Variants in CCDC91 observed in about 807,000 individuals in gnomAD.
CCDC91 encodes the protein coiled-coil domain containing 91.
CCDC91 carries 48 observed loss-of-function variants against 63.2 expected under a neutral mutation model. The observed-to-expected ratio is 0.76, with a 90% CI of 0.60 to 0.97. The LOEUF (loss-of-function observed/expected upper bound fraction) is 0.97. Ranked by LOEUF, CCDC91 falls within the 50% of genes least tolerant of loss-of-function variation. The probability of loss-of-function intolerance (pLI) is 0.00; values close to 1 mark genes in which losing one functional copy is unlikely to be tolerated. For missense variants in CCDC91, 500 were observed against 494.6 expected, an observed-to-expected ratio of 1.01 and a Z score of -0.10; for synonymous variants, 167 against 165.8, an observed-to-expected ratio of 1.01 and a Z score of -0.06.
intron 11 of CCDC91, among the ~76,000 whole-genome samples, chr12:28,463,951 A>G (rs1347470588): frequency 6.6e-6 from 1 of 152,152 alleles, no homozygotes; most frequent in Non-Finnish European, 1.5e-5. Flanking sequence ...TATATTGCTG[A>G]CAGAGACACT....
intron 1 of CCDC91, among the ~76,000 whole-genome samples, chr12:28,203,890 A>C (rs1467802883): frequency 1.3e-5 from 2 of 152,166 alleles, no homozygotes; most frequent in Non-Finnish European, 2.9e-5. Context: ...ATTATACTGA[A>C]TATTATTAAA....
chr12:28,517,948 G>T (rs1420863160), intron 12 of CCDC91, among the ~76,000 whole-genome samples: 7 of 151,944 alleles, frequency 4.6e-5, no homozygotes, highest in Non-Finnish European at 1.0e-4. Context: ...GATTCAGATT[G>T]CTGTGAATGC....
intron 1 of CCDC91, among the ~76,000 whole-genome samples, chr12:28,240,675 T>C (rs1372426640): frequency 6.6e-6 from 1 of 152,080 alleles, no homozygotes; most frequent in Non-Finnish European, 1.5e-5. Context: ...CTTTGAAATC[T>C]CTCCAACTTG....
intron 1 of CCDC91, among the ~76,000 whole-genome samples, chr12:28,224,117 CA>C (rs1401634721): frequency 6.6e-6 from 1 of 152,048 alleles, no homozygotes; most frequent in African/African-American, 2.4e-5. Flanking sequence ...CAAAGAAGTA[CA>C]TTTTTTTTCC....
intron 3 of CCDC91, among the ~76,000 whole-genome samples, chr12:28,270,077 A>C (rs901447234): frequency 2.0e-5 from 3 of 152,036 alleles, no homozygotes; most frequent in African/African-American, 7.2e-5. Flanking sequence ...TTCATTAATA[A>C]TGAAAATTTC....
intron 12 of CCDC91, among the ~76,000 whole-genome samples, chr12:28,529,502 G>C (rs1319245179): frequency 6.6e-6 from 1 of 152,124 alleles, no homozygotes; most frequent in African/African-American, 2.4e-5. Context: ...TTACATTGAG[G>C]CATTAGGAGC....
At chr12:28,328,306 A>AT (rs1941200258) in intron 6 of CCDC91, among the ~76,000 whole-genome samples, 1 of 151,814 alleles carries the variant, frequency 6.6e-6, no homozygotes. Context: ...TTTGCAACTC[A>AT]TTTTTCTGCA....
At chr12:28,351,676 CTTTT>C (rs539085210) in intron 6 of CCDC91, among the ~76,000 whole-genome samples, 5 of 145,646 alleles carry the variant, frequency 3.4e-5, no homozygotes, top group African/African-American at 1.3e-4. Flanking sequence ...GTCATTCCTC[CTTTT>C]TTTTTTTTTC....
chr12:28,483,631 A>G (rs1264033573), intron 11 of CCDC91, among the ~76,000 whole-genome samples: 5 of 152,118 alleles, frequency 3.3e-5, no homozygotes, highest in Non-Finnish European at 5.9e-5. Flanking sequence ...CACTCAGACC[A>G]CACTTGATTA....
chr12:28,316,989 G>A (rs1052225934), intron 6 of CCDC91, among the ~76,000 whole-genome samples: 4 of 151,890 alleles, frequency 2.6e-5, no homozygotes, highest in Non-Finnish European at 2.9e-5. Context: ...ACCTGAAATT[G>A]TGTAGACCTC....
intron 8 of CCDC91, among the ~76,000 whole-genome samples, chr12:28,418,293 G>T (rs1947800777): frequency 6.6e-6 from 1 of 152,190 alleles, no homozygotes; most frequent in South Asian, 2.1e-4. Context: ...AACGTAATTT[G>T]TAGTAGAAAC....
At chr12:28,510,628 A>G (rs1939272507) in intron 12 of CCDC91, among the ~76,000 whole-genome samples, 3 of 151,910 alleles carry the variant, frequency 2.0e-5, no homozygotes, top group African/African-American at 7.2e-5. Flanking sequence ...ACCCTTACAG[A>G]CACGCCCAGA....
chr12:28,452,548 C>T lies in CCDC91; in HGVS notation c.995C>T (p.Ala332Val), dbSNP rs544457452. Residue 332 changes from alanine to valine, a missense_variant, in exon 11 of 13, where the codon GCG becomes GTG. Transcript: ENST00000536442. ...VEEERKNLEK[A>V]HAEERELWKT... ...GAAGAAAGAAAAAATTTAGAAAAAG[C>T]GCATGCTGAAGAAAGGGAATTATGG... 33 of 1,586,694 alleles carry T rather than the reference C, an allele frequency of 2.1e-5. No homozygotes were observed. The highest frequency in any genetic ancestry group is 3.6e-5 in the Admixed American group (2 of 56,318).
chr12:28,248,047 C>T (rs12320545), intron 1 of CCDC91, among the ~76,000 whole-genome samples: 107,014 of 151,978 alleles, frequency 0.7, 38,053 homozygotes, highest in East Asian at 0.95. Flanking sequence ...GGACCCAGAC[C>T]GGTTCGTGTC....
intron 6 of CCDC91, among the ~76,000 whole-genome samples, chr12:28,310,357 TA>T (rs1939193409): frequency 6.6e-6 from 1 of 152,068 alleles, no homozygotes; most frequent in Non-Finnish European, 1.5e-5. Context: ...ATGACCAATA[TA>T]AATGCTATCT....
At chr12:28,201,157 T>C (rs34949363) in intron 1 of CCDC91, among the ~76,000 whole-genome samples, 1 of 144,040 alleles carries the variant, frequency 6.9e-6, no homozygotes, top group Admixed American at 6.8e-5. Flanking sequence ...CCGGACGAGG[T>C]GGCTGCTGGG....
intron 12 of CCDC91, among the ~76,000 whole-genome samples, chr12:28,501,773 A>G (rs1592866954): frequency 6.6e-6 from 1 of 151,926 alleles, no homozygotes; most frequent in African/African-American, 2.4e-5. Flanking sequence ...ATAGTTTCAG[A>G]AGGAATGGTA....
At chr12:28,366,984 TC>T (rs1944316876) in intron 7 of CCDC91, among the ~76,000 whole-genome samples, 1 of 152,074 alleles carries the variant, frequency 6.6e-6, no homozygotes, top group Non-Finnish European at 1.5e-5. Context: ...TTTTCATTTT[TC>T]TCGGCTGGAG....
At chr12:28,380,285 G>T (rs1945216962) in intron 7 of CCDC91, among the ~76,000 whole-genome samples, 2 of 151,966 alleles carry the variant, frequency 1.3e-5, no homozygotes, top group Non-Finnish European at 2.9e-5. Flanking sequence ...TATCAAACCT[G>T]TACCTTGTGC....
Sources: allele counts gnomAD v4.1 joint callset (sites outside exome capture counted in the v4.1 genomes callset), GRCh38; gene constraint gnomAD v4.1.1; transcripts MANE v1.5; gene names NCBI Gene and HGNC (gene_info 2026-07-23, HGNC 2026-07-21).